The following BCL2 variants were observed in gnomAD, a reference collection of about 807,000 sequenced individuals.
BCL2 encodes the protein BCL2 apoptosis regulator, also known as apoptosis regulator Bcl-2.
In BCL2, 1 loss-of-function variant was observed where a neutral mutation model predicts 14.2. The ratio of observed to expected loss-of-function variants is 0.07; its 90% CI spans 0.02 to 0.33. BCL2 has a LOEUF of 0.33. Ranked by LOEUF, BCL2 falls within the 10% of genes least tolerant of loss-of-function variation. The pLI, the probability that BCL2 is intolerant of heterozygous loss-of-function variation, is 0.99. For synonymous variants in BCL2, 151 were observed against 137.2 expected (o/e 1.10, Z -0.70); for missense variants, 247 against 305.9 (o/e 0.81, Z 1.44).
At chr18:63,243,448 A>G (rs1911069804) in intron 2 of BCL2, among the ~76,000 whole-genome samples, 1 of 152,220 alleles carries the variant, frequency 6.6e-6, no homozygotes, top group South Asian at 2.1e-4. Flanking sequence ...AATAATCTGT[A>G]CAACAAAGCC....
chr18:63,205,891 A>G (rs1448752891), intron 2 of BCL2, among the ~76,000 whole-genome samples: 1 of 152,198 alleles, frequency 6.6e-6, no homozygotes, highest in Non-Finnish European at 1.5e-5. Context: ...CACTCAAGCC[A>G]CGGTGGAGAG....
intron 2 of BCL2, among the ~76,000 whole-genome samples, chr18:63,156,677 G>A (rs1243472683): frequency 6.6e-6 from 1 of 152,220 alleles, no homozygotes; most frequent in African/African-American, 2.4e-5. Flanking sequence ...TCTTTCAGAA[G>A]CCAAGGAATC....
intron 2 of BCL2, among the ~76,000 whole-genome samples, chr18:63,140,046 A>G (rs1000551934): frequency 6.6e-6 from 1 of 152,260 alleles, no homozygotes; most frequent in African/African-American, 2.4e-5. Flanking sequence ...AAGTGCATGA[A>G]GAGATGCTTC....
chr18:63,199,688 C>T lies in BCL2; in HGVS notation c.586-70929G>A, dbSNP rs1026065970. Among the ~76,000 whole-genome samples the T allele has an allele frequency of 6.6e-5, 10 of 151,970 alleles. No homozygotes were observed. In the East Asian group the frequency reaches 1.4e-3, roughly 21 times the overall value. ...ACAGACATACACACAGGTACAGACA[C>T]GCAGACACACTACATATGCACAGAC... On this transcript the variant is annotated intron_variant, in intron 2 of 2. Transcript: ENST00000333681.
At chr18:63,261,426 G>A (rs1171391273) in intron 2 of BCL2, among the ~76,000 whole-genome samples, 3 of 152,190 alleles carry the variant, frequency 2.0e-5, no homozygotes, top group Non-Finnish European at 2.9e-5. Context: ...GATATTCACT[G>A]AAGGAGTAAG....
Position 63,318,640 on chromosome 18 carries a change from G to A in BCL2, c.27C>T (p.Tyr9=), listed in dbSNP as rs2144326239. The change falls in exon 2 of 3, where the codon TAC becomes TAT. Residue 9 remains tyrosine (Y), a synonymous_variant. Transcript: ENST00000333681. This position sits in a 1 kb window ranked among gnomAD's most constrained non-coding sequence, Gnocchi z 7.4. The part of the protein sequence containing the change: MAHAGRTG[Y]DNREIVMKYI... ...ACTTCATCACTATCTCCCGGTTATC[G>A]TACCCTGTTCTCCCAGCGTGCGCCA... The A allele has an allele frequency of 2.5e-6, 4 of 1,613,140 alleles. No individual in the cohort carries two copies. Among genetic ancestry groups the A allele is most frequent in the Non-Finnish European group, 3.4e-6 (4 of 1,179,602 alleles).
In BCL2 at chr18:63,123,489, T is replaced by G. The variant is rs1913827514; in HGVS notation, c.*5136A>C. The G allele has an allele frequency of 4.9e-6, 1 of 204,154 alleles. No homozygotes were observed. Among genetic ancestry groups the G allele is most frequent in the South Asian group, 1.9e-4 (1 of 5,276 alleles). The allele number at this position is 204,154 out of a possible 1,614,324, so 12.6% of individuals were successfully genotyped here. Reference sequence around the variant, plus strand: ...GGCCAACTGGAGACTTACTTTACCTTAACCATGTAAAGTATCCTTACCGTA... The same window carrying G: ...GGCCAACTGGAGACTTACTTTACCTGAACCATGTAAAGTATCCTTACCGTA... On this transcript the variant is annotated 3_prime_UTR_variant, in exon 3 of 3. Transcript: ENST00000333681.
At chr18:63,265,433 A>G (rs1911798807) in intron 2 of BCL2, among the ~76,000 whole-genome samples, 1 of 152,218 alleles carries the variant, frequency 6.6e-6, no homozygotes. Context: ...AAAGAAATAG[A>G]GATGAAACCA....
At chr18:63,240,477 T>G (rs1910969103) in intron 2 of BCL2, among the ~76,000 whole-genome samples, 1 of 152,236 alleles carries the variant, frequency 6.6e-6, no homozygotes, top group Non-Finnish European at 1.5e-5. Context: ...ATAAATATGA[T>G]CATCCCCATA....
At chr18:63,185,437 C>G (rs755352335) in intron 2 of BCL2, among the ~76,000 whole-genome samples, 4 of 152,170 alleles carry the variant, frequency 2.6e-5, no homozygotes, top group Non-Finnish European at 4.4e-5. Context: ...ACAAATATCC[C>G]TGCAAGGGAA....
At position 63,127,496 on chromosome 18, in the gene BCL2, A is replaced by G. The variant is rs2144582957; in HGVS notation, c.*1129T>C. 1 of 232,100 alleles carries G rather than the reference A, an allele frequency of 4.3e-6. No individual in the cohort carries two copies. Among genetic ancestry groups the G allele is most frequent in the South Asian group, 1.8e-4 (1 of 5,524 alleles). The allele number at this position is 232,100 out of a possible 1,614,324, so 14.4% of individuals were successfully genotyped here. On this transcript the variant is annotated 3_prime_UTR_variant, in exon 3 of 3. Transcript: ENST00000333681. ...GTGACAGGCCCAGCCACACCCCTCT[A>G]CTGCTCTTTCTTGACAGTGGAATTC... is the stretch of plus-strand genomic sequence containing the variant.
chr18:63,147,447 C>T (rs762203857), intron 2 of BCL2, among the ~76,000 whole-genome samples: 13 of 152,154 alleles, frequency 8.5e-5, no homozygotes, highest in African/African-American at 1.9e-4. Context: ...CATTTATTAC[C>T]GGTGCAAATA....
At chr18:63,218,767 C>G in intron 2 of BCL2, among the ~76,000 whole-genome samples, 1 of 103,500 alleles carries the variant, frequency 9.7e-6, no homozygotes, top group African/African-American at 3.6e-5. Context: ...TCCCCCTCTA[C>G]TCATCCCCAT....
chr18:63,186,477 T>C (rs11152371), intron 2 of BCL2, among the ~76,000 whole-genome samples: 4,007 of 152,360 alleles, frequency 0.026, 102 homozygotes, highest in Non-Finnish European at 0.042. Flanking sequence ...TTGTACATGA[T>C]ATGACCATTC....
intron 2 of BCL2, among the ~76,000 whole-genome samples, chr18:63,160,311 G>A (rs1248756814): frequency 1.3e-5 from 2 of 152,200 alleles, no homozygotes; most frequent in African/African-American, 2.4e-5. Flanking sequence ...ATGCCAAAGG[G>A]GCTTTTTAGC....
chr18:63,244,979 G>A (rs1331797675), intron 2 of BCL2, among the ~76,000 whole-genome samples: 1 of 152,150 alleles, frequency 6.6e-6, no homozygotes, highest in Non-Finnish European at 1.5e-5. Context: ...ACTGCTAACT[G>A]CACGTCCTAA....
chr18:63,197,114 A>T lies in BCL2; in HGVS notation c.586-68355T>A, dbSNP rs143350418. On this transcript the variant is annotated intron_variant, in intron 2 of 2. Coordinates refer to ENST00000333681, the MANE Select transcript of BCL2 (RefSeq NM_000633.3). ...AAAATAATGTTTTCCCGAAATAGGT[A>T]AGAAAGTTATGGCTTGTTGACATGT... is the stretch of plus-strand genomic sequence containing the variant. Among the ~76,000 whole-genome samples, 988 of 152,354 alleles carry T rather than the reference A, an allele frequency of 6.5e-3. 4 individuals are homozygous for T. The highest frequency in any genetic ancestry group is 0.011 in the Non-Finnish European group (716 of 68,030).
At chr18:63,169,411 C>CTTTT (rs1568222842) in intron 2 of BCL2, among the ~76,000 whole-genome samples, 1 of 73,448 alleles carries the variant, frequency 1.4e-5, no homozygotes, top group Non-Finnish European at 2.3e-5. Context: ...CTTTTTCTTT[C>CTTTT]TCTCTCTCTC....
chr18:63,138,981 T>G (rs981652209), intron 2 of BCL2, among the ~76,000 whole-genome samples: 5 of 152,224 alleles, frequency 3.3e-5, no homozygotes, highest in Non-Finnish European at 7.3e-5. Flanking sequence ...CAAAGATGGC[T>G]TATGCCATGG....
Sources: gnomAD v4.1 joint callset for allele counts (sites outside exome capture counted in the v4.1 genomes callset) on GRCh38, gnomAD v4.1.1 for gene constraint, Gnocchi (gnomAD v3.1) non-coding constraint, MANE v1.5 for transcripts, NCBI Gene and HGNC (gene_info 2026-07-23, HGNC 2026-07-21) for gene names.